EMID1: variants seen among roughly 807,000 people sequenced by gnomAD.
The protein encoded by EMID1 is EMI domain-containing protein 1.
In EMID1, 40 loss-of-function variants were observed where a neutral mutation model predicts 60.6. The observed-to-expected ratio is 0.66, with a 90% CI of 0.51 to 0.86. EMID1 has a LOEUF of 0.86. Among genes scored for constraint, EMID1 ranks in the 40% least tolerant of loss-of-function variants. The pLI, the probability that EMID1 is intolerant of heterozygous loss-of-function variation, is 0.00. For synonymous variants in EMID1, 242 were observed against 231.0 expected, an observed-to-expected ratio of 1.05 and a Z score of -0.43; for missense variants, 585 against 597.1, an observed-to-expected ratio of 0.98 and a Z score of 0.21.
At chr22:29,214,127 G>C (rs1329548127) in intron 1 of EMID1, among the ~76,000 whole-genome samples, 1 of 152,220 alleles carries the variant, frequency 6.6e-6, no homozygotes, top group Non-Finnish European at 1.5e-5. Flanking sequence ...TTGGGGCATT[G>C]ATTACACATC....
At chr22:29,242,041 G>T (rs539562021) in intron 12 of EMID1, among the ~76,000 whole-genome samples, 4 of 152,154 alleles carry the variant, frequency 2.6e-5, no homozygotes, top group Non-Finnish European at 5.9e-5. Context: ...CTCCTGAGTA[G>T]CTGGGACTAC....
At chr22:29,258,685 G>A (rs1275868679) in intron 14 of EMID1, 132 bp from the exon 15 acceptor site, 2 of 1,389,460 alleles carry the variant, frequency 1.4e-6, no homozygotes, top group Non-Finnish European at 1.9e-6. Context: ...CCACAGCTCT[G>A]CAGCCAGATA....
intron 3 of EMID1, among the ~76,000 whole-genome samples, chr22:29,224,450 G>A (rs1409095724): frequency 4.6e-5 from 7 of 152,176 alleles, no homozygotes; most frequent in Non-Finnish European, 8.8e-5. Context: ...CAGCCAGGGC[G>A]GCTGGGGAGG....
At chr22:29,207,456 G>A (rs1013600806) in intron 1 of EMID1, among the ~76,000 whole-genome samples, 2 of 152,148 alleles carry the variant, frequency 1.3e-5, no homozygotes, top group South Asian at 2.1e-4. Context: ...GAAGTGAGCC[G>A]CCAGGATCCC....
intron 14 of EMID1, among the ~76,000 whole-genome samples, chr22:29,255,940 C>T (rs1485972265): frequency 6.6e-6 from 1 of 152,172 alleles, no homozygotes; most frequent in Admixed American, 6.5e-5. Context: ...TGGGGTAGTA[C>T]AGGAGGTGGT....
intron 13 of EMID1, 129 bp downstream of exon 13, chr22:29,243,618 C>A: frequency 9.1e-7 from 1 of 1,096,990 alleles, no homozygotes; most frequent in Non-Finnish European, 1.3e-6. Context: ...CCTGGTCTCC[C>A]AGGCAGGAGC....
chr22:29,239,957 G>A (rs189811461), intron 12 of EMID1, among the ~76,000 whole-genome samples: 11 of 135,890 alleles, frequency 8.1e-5, no homozygotes, highest in Middle Eastern at 3.6e-3. Flanking sequence ...GACTACAGGC[G>A]CCCGCCACCA....
chr22:29,215,220 A>G, intron 2 of EMID1, 181 bp downstream of exon 2: 5 of 985,396 alleles, frequency 5.1e-6, no homozygotes, highest in Non-Finnish European at 6.0e-6. Context: ...AGCACCCTGG[A>G]GGGCTTCCTG....
intron 5 of EMID1, among the ~76,000 whole-genome samples, chr22:29,229,612 C>T (rs377166076): frequency 4.8e-5 from 7 of 146,282 alleles, no homozygotes; most frequent in East Asian, 2.0e-4. Flanking sequence ...CATTGCACTC[C>T]AGCCTGGGCA....
At chr22:29,210,375 T>G (rs2039837637) in intron 1 of EMID1, among the ~76,000 whole-genome samples, 1 of 151,754 alleles carries the variant, frequency 6.6e-6, no homozygotes, top group South Asian at 2.1e-4. Flanking sequence ...TGCCTGGTAT[T>G]ACAGGCATGC....
intron 12 of EMID1, among the ~76,000 whole-genome samples, chr22:29,239,823 G>A (rs551797869): frequency 6.5e-4 from 98 of 150,234 alleles, no homozygotes; most frequent in African/African-American, 2.3e-3. Flanking sequence ...GCAGTGGCTC[G>A]ATCTTGGCTC....
Position 29,235,278 on chromosome 22 carries a change from G to A in EMID1, c.1074+929G>A, listed in dbSNP as rs1037881131. ...CAGAAGAATTGCTTGAACCCAGGAGGCAGAGGTTGCAGTGAGCTGAGATCA... is the reference window on the plus strand; with the variant it reads ...CAGAAGAATTGCTTGAACCCAGGAGACAGAGGTTGCAGTGAGCTGAGATCA... On this transcript the variant is annotated intron_variant, in intron 12 of 14. Coordinates refer to ENST00000334018, the MANE Select transcript of EMID1 (RefSeq NM_133455.4). Among the ~76,000 whole-genome samples the A allele has an allele frequency of 9.3e-5, 14 of 150,576 alleles. No individual in the cohort carries two copies. In the South Asian group the frequency reaches 2.7e-3, roughly 29 times the overall value.
In EMID1 at chr22:29,205,897, C is replaced by T; in HGVS notation, c.-142C>T. 1 of 238,784 alleles carries T rather than the reference C, an allele frequency of 4.2e-6. No homozygotes were observed. The highest frequency in any genetic ancestry group is 2.3e-5 in the African/African-American group (1 of 42,682). The allele number at this position is 238,784 out of a possible 1,614,324, so 14.8% of individuals were successfully genotyped here. ...GCGCGCCCCCGCCCCCGCCCGCCCGCCTCCTGCCCGCCCTCCGGCCGCGGA... is the reference window on the plus strand; with the variant it reads ...GCGCGCCCCCGCCCCCGCCCGCCCGTCTCCTGCCCGCCCTCCGGCCGCGGA... On this transcript the variant is annotated 5_prime_UTR_variant, in exon 1 of 15. Transcript: ENST00000334018.
At chr22:29,229,976 A>T (rs910578445) in intron 5 of EMID1, among the ~76,000 whole-genome samples, 11 of 152,224 alleles carry the variant, frequency 7.2e-5, no homozygotes, top group Admixed American at 2.6e-4. Flanking sequence ...TGGGCCCAAA[A>T]GTGGACTTTG....
At position 29,215,601 on chromosome 22, in the gene EMID1, C is replaced by T. The variant is rs757843417; in HGVS notation, c.290C>T (p.Pro97Leu). 8.1e-6 allele frequency: 13 copies of T among 1,613,988 alleles called. No homozygotes were observed. The African/African-American group carries it at 1.5e-4, about 18-fold the overall frequency. Residue 97 changes from proline to leucine, a missense_variant, in exon 3 of 15, where the codon CCT becomes CTT. By Grantham distance (98) the Pro-to-Leu change is moderately conservative (BLOSUM62 -3). Transcript: ENST00000334018. ...ACCGCCCGTGAGTGGAGGTGCTGCC[C>T]TGGGCACTCAGGAGTGAGCTGCGAG... ...IVTAREWRCC[P>L]GHSGVSCEEV...
At chr22:29,225,397 G>C (rs1042555355) in intron 4 of EMID1, among the ~76,000 whole-genome samples, 181 bp downstream of exon 4, 9 of 152,186 alleles carry the variant, frequency 5.9e-5, no homozygotes, top group African/African-American at 2.2e-4. Flanking sequence ...GGCACAGAAA[G>C]GACCCTAGAG....
intron 5 of EMID1, among the ~76,000 whole-genome samples, chr22:29,227,392 A>C (rs1404848558): frequency 1.3e-5 from 2 of 150,048 alleles, no homozygotes; most frequent in Non-Finnish European, 2.9e-5. Flanking sequence ...GCTGCCATAA[A>C]ACTTTTTTTT....
intron 14 of EMID1, chr22:29,255,186 G>T (rs1320361740): frequency 4.7e-6 from 2 of 426,282 alleles, no homozygotes; most frequent in Non-Finnish European, 4.5e-6. Context: ...AGCTGGCAGT[G>T]CCCTCCCACC....
At chr22:29,215,704 T>C in intron 3 of EMID1, 74 bp downstream of exon 3, 1 of 1,201,662 alleles carries the variant, frequency 8.3e-7, no homozygotes. Context: ...CATGGAGCCG[T>C]GAACTATTAA....
Sources: allele counts gnomAD v4.1 joint callset (sites outside exome capture counted in the v4.1 genomes callset), GRCh38; gene constraint gnomAD v4.1.1; transcripts MANE v1.5; gene names NCBI Gene and HGNC (gene_info 2026-07-23, HGNC 2026-07-21).